The following ERG variants were observed in gnomAD, a reference collection of about 807,000 sequenced individuals.
ERG encodes the protein ETS transcription factor ERG.
In ERG, 9 loss-of-function variants were observed where a neutral mutation model predicts 55.3. The observed-to-expected ratio is 0.16, with a 90% CI of 0.10 to 0.28. The LOEUF (loss-of-function observed/expected upper bound fraction) is 0.28. ERG is among the 10% of genes least tolerant of loss of function. The pLI is 1.00. For synonymous variants in ERG, 223 were observed against 237.3 expected (o/e 0.94, Z 0.55); for missense variants, 434 against 631.6 (o/e 0.69, Z 3.35).
intron 1 of ERG, among the ~76,000 whole-genome samples, chr21:38,489,993 A>G (rs1220619621): frequency 6.6e-6 from 1 of 152,196 alleles, no homozygotes; most frequent in Non-Finnish European, 1.5e-5. Flanking sequence ...GAATAGGGAG[A>G]CACAGAAGTT....
chr21:38,556,707 G>T (rs1283758283), intron 2 of ERG, among the ~76,000 whole-genome samples: 2 of 152,116 alleles, frequency 1.3e-5, no homozygotes, highest in Non-Finnish European at 2.9e-5. Context: ...GAAAAGAAAG[G>T]CTTCTGAGGA....
intron 1 of ERG, among the ~76,000 whole-genome samples, chr21:38,595,178 G>C (rs910307110): frequency 7.2e-5 from 11 of 152,112 alleles, no homozygotes; most frequent in African/African-American, 2.2e-4. Flanking sequence ...AATAGCTGAA[G>C]ATTTTGGAGC....
At position 38,404,948 on chromosome 21, in the gene ERG, G is replaced by T. The variant is rs544824000; in HGVS notation, c.389-1239C>A. Among the ~76,000 whole-genome samples the T allele has an allele frequency of 2.3e-3, 357 of 152,280 alleles. 2 individuals are homozygous for T. The highest frequency in any genetic ancestry group is 4.1e-3 in the Non-Finnish European group (278 of 68,018). ...TAAACCGTAATAATAGTGAGAAACA[G>T]CCAGCCAGTCATACACCCAGAGTTC... On this transcript the variant is annotated intron_variant, in intron 3 of 9. Transcript: ENST00000288319.
downstream of ERG, among the ~76,000 whole-genome samples, chr21:38,376,239 T>G (rs147294212): frequency 1.5e-3 from 223 of 152,302 alleles, 5 homozygotes; most frequent in East Asian, 0.04. Flanking sequence ...GGTCTCAGGT[T>G]AGAAAATATG....
intron 2 of ERG, among the ~76,000 whole-genome samples, chr21:38,539,991 G>C (rs2059740826): frequency 6.7e-6 from 1 of 149,228 alleles, no homozygotes; most frequent in Non-Finnish European, 1.5e-5. Flanking sequence ...CCAACTCCCA[G>C]GTTCAATCAA....
At chr21:38,479,476 A>AAATGAG (rs2059217808) in intron 1 of ERG, among the ~76,000 whole-genome samples, 1 of 152,238 alleles carries the variant, frequency 6.6e-6, no homozygotes, top group African/African-American at 2.4e-5. Flanking sequence ...TTAATGATTA[A>AAATGAG]AATGAGATCA....
intron 3 of ERG, among the ~76,000 whole-genome samples, chr21:38,407,809 ATTT>A (rs1409804152): frequency 6.1e-5 from 9 of 147,478 alleles, no homozygotes; most frequent in Non-Finnish European, 1.3e-4. Context: ...TATGCAAAGC[ATTT>A]TATAAAAAGT....
In ERG at chr21:38,595,688, G is replaced by A. The variant is rs190173071; in HGVS notation, c.-149-10743C>T. Among the ~76,000 whole-genome samples, 293 of 152,268 alleles carry A rather than the reference G, an allele frequency of 1.9e-3. 2 individuals carry two copies. Among genetic ancestry groups the A allele is most frequent in the Admixed American group, 3.3e-3 (51 of 15,306 alleles). ...TCCAGAGGCAGTGTGTAGCCTTTAA[G>A]ATGGAGACTGTGATGAAGAATGGAG... On this transcript the variant is annotated intron_variant, in intron 1 of 10. Coordinates refer to the ERG transcript ENST00000398910.
At chr21:38,452,236 C>T (rs137887513) in intron 1 of ERG, among the ~76,000 whole-genome samples, 1 of 152,312 alleles carries the variant, frequency 6.6e-6, no homozygotes, top group African/African-American at 2.4e-5. Context: ...TGTCCAGATA[C>T]ATTTGCACAT....
intron 1 of ERG, among the ~76,000 whole-genome samples, chr21:38,626,416 C>G (rs1312259108): frequency 6.6e-6 from 1 of 152,128 alleles, no homozygotes; most frequent in Non-Finnish European, 1.5e-5. Flanking sequence ...AATTTTAGAG[C>G]AAGTTGACAT....
intron 2 of ERG, among the ~76,000 whole-genome samples, chr21:38,514,909 A>G (rs2059540380): frequency 6.6e-6 from 1 of 152,030 alleles, no homozygotes; most frequent in Non-Finnish European, 1.5e-5. Flanking sequence ...GCTAGATACA[A>G]GGTCAATATA....
At chr21:38,387,774 G>A (rs531020722) in intron 9 of ERG, among the ~76,000 whole-genome samples, 1 of 152,322 alleles carries the variant, frequency 6.6e-6, no homozygotes, top group Admixed American at 6.5e-5. Flanking sequence ...TCCTCTGAAA[G>A]CTTACTGTGT....
chr21:38,535,320 C>T (rs2059701836), intron 2 of ERG, among the ~76,000 whole-genome samples: 1 of 152,050 alleles, frequency 6.6e-6, no homozygotes, highest in Admixed American at 6.6e-5. Flanking sequence ...TTCTGTTTTG[C>T]AAGGTAAAGA....
At chr21:38,370,376 T>C in the ERG span, among the ~76,000 whole-genome samples, 3 of 152,086 alleles carry the variant, frequency 2.0e-5, no homozygotes, top group Non-Finnish European at 4.4e-5. Context: ...GCAGGTAGTT[T>C]ATCTTTTCAC....
At chr21:38,647,028 A>C (rs1206227529) in intron 1 of ERG, among the ~76,000 whole-genome samples, 1 of 152,152 alleles carries the variant, frequency 6.6e-6, no homozygotes, top group Non-Finnish European at 1.5e-5. Context: ...TGGTTTTTGC[A>C]ACCTTCTGCT....
At chr21:38,577,791 C>T (rs570454040) in intron 1 of ERG, among the ~76,000 whole-genome samples, 6 of 152,336 alleles carry the variant, frequency 3.9e-5, no homozygotes, top group Non-Finnish European at 7.3e-5. Context: ...ATGGCTATTT[C>T]CGTATGTCTG....
chr21:38,486,272 C>A (rs2059284734), intron 1 of ERG, among the ~76,000 whole-genome samples: 1 of 152,140 alleles, frequency 6.6e-6, no homozygotes, highest in Non-Finnish European at 1.5e-5. Flanking sequence ...CATTTTGATA[C>A]ATAAAAACCA....
intron 1 of ERG, among the ~76,000 whole-genome samples, chr21:38,634,887 C>G (rs2060378918): frequency 6.6e-6 from 1 of 152,102 alleles, no homozygotes. Flanking sequence ...ACTGCTAAAA[C>G]TTGGAAGCAA....
chr21:38,601,873 CTTTATTTTTATT>C (rs774533693), intron 1 of ERG, among the ~76,000 whole-genome samples: 45 of 152,224 alleles, frequency 3.0e-4, no homozygotes, highest in South Asian at 6.2e-4. Flanking sequence ...GCATATTTTA[CTTTATTTTTATT>C]TTTATTTTTA....
Sources: allele counts gnomAD v4.1 joint callset (sites outside exome capture counted in the v4.1 genomes callset), GRCh38; gene constraint gnomAD v4.1.1; transcripts MANE v1.5; gene names NCBI Gene and HGNC (gene_info 2026-07-23, HGNC 2026-07-21).